The following SLIT2 variants were observed in gnomAD, a reference collection of about 807,000 sequenced individuals.
SLIT2 encodes slit guidance ligand 2.
A neutral mutation model predicts 185.7 loss-of-function variants in SLIT2; 41 were observed. The observed-to-expected ratio is 0.22, with a 90% CI of 0.17 to 0.29. SLIT2 has a LOEUF of 0.29. Among genes scored for constraint, SLIT2 ranks in the 10% least tolerant of loss-of-function variants. The pLI is 1.00. For missense variants in SLIT2, 1,571 were observed against 1,909.0 expected (o/e 0.82, Z 3.30); for synonymous variants, 693 against 680.2 (o/e 1.02, Z -0.29).
rs533818617 is a variant in SLIT2, at chr4:20,287,061, A to T, written c.395+18180A>T. On this transcript the variant is annotated intron_variant, in intron 4 of 36. Coordinates refer to ENST00000504154, the MANE Select transcript of SLIT2 (RefSeq NM_004787.4). Reference sequence around the variant, plus strand: ...TAAACTTACCCAGCTGCTGTTGTCTAAACTCCTACACTGGCCTTCAAGTTG... The same window carrying T: ...TAAACTTACCCAGCTGCTGTTGTCTTAACTCCTACACTGGCCTTCAAGTTG... 2.0e-5 allele frequency among the ~76,000 whole-genome samples: 3 copies of T among 152,294 alleles called. No individual in the cohort carries two copies. The East Asian group carries it at 5.8e-4, about 29-fold the overall frequency.
intron 4 of SLIT2, among the ~76,000 whole-genome samples, chr4:20,444,683 A>G (rs1325868179): frequency 6.6e-6 from 1 of 152,230 alleles, no homozygotes; most frequent in African/African-American, 2.4e-5. Flanking sequence ...TGTCATTTTT[A>G]TAACTTTCTT....
At chr4:20,479,673 T>A (rs1387193947) in intron 5 of SLIT2, among the ~76,000 whole-genome samples, 2 of 151,186 alleles carry the variant, frequency 1.3e-5, no homozygotes, top group African/African-American at 4.8e-5. Context: ...AGTACTTCAC[T>A]GTTAATTTCA....
intron 4 of SLIT2, among the ~76,000 whole-genome samples, chr4:20,367,549 T>G (rs1014683964): frequency 1.1e-4 from 17 of 152,174 alleles, no homozygotes; most frequent in African/African-American, 3.9e-4. Flanking sequence ...ATCCTAAGCA[T>G]AAGCAAATAA....
intron 34 of SLIT2, among the ~76,000 whole-genome samples, chr4:20,614,173 G>A (rs183527614): frequency 1.3e-3 from 203 of 151,994 alleles, no homozygotes; most frequent in Admixed American, 2.8e-3. Flanking sequence ...GCGCTCGGCC[G>A]ACACAAAATA....
chr4:20,346,654 G>C lies in SLIT2; in HGVS notation c.395+77773G>C, dbSNP rs187593858. 2.6e-5 allele frequency among the ~76,000 whole-genome samples: 4 copies of C among 152,352 alleles called. No homozygotes were observed. The East Asian group carries it at 7.7e-4, about 29-fold the overall frequency. ...AGGCTGTCTGCAAGTCGAGAAGCAA[G>C]GAAGCCAGTGGTGGATCAGTCCAAG... is the stretch of plus-strand genomic sequence containing the variant. On this transcript the variant is annotated intron_variant, in intron 4 of 36. Coordinates refer to ENST00000504154, the MANE Select transcript of SLIT2 (RefSeq NM_004787.4).
intron 4 of SLIT2, among the ~76,000 whole-genome samples, chr4:20,392,996 A>C (rs143320013): frequency 1.2e-4 from 18 of 152,190 alleles, no homozygotes; most frequent in African/African-American, 3.9e-4. Context: ...TAAGTACATA[A>C]TATTAGGTGC....
intron 4 of SLIT2, among the ~76,000 whole-genome samples, chr4:20,421,191 G>A (rs1560409065): frequency 2.6e-5 from 4 of 152,154 alleles, no homozygotes; most frequent in Admixed American, 2.0e-4. Context: ...GGTGAAGGAT[G>A]AGGGATGTCA....
At chr4:20,574,804 A>C (rs1424470335) in intron 29 of SLIT2, among the ~76,000 whole-genome samples, 1 of 151,846 alleles carries the variant, frequency 6.6e-6, no homozygotes, top group Non-Finnish European at 1.5e-5. Context: ...AAAAAAAAAA[A>C]AAACAAAGGT....
chr4:20,310,763 C>T (rs1477972366), intron 4 of SLIT2, among the ~76,000 whole-genome samples: 1 of 152,128 alleles, frequency 6.6e-6, no homozygotes, highest in Non-Finnish European at 1.5e-5. Context: ...AGTAAGTTTC[C>T]ACTCATAAAT....
rs531272386 is a variant in SLIT2, at chr4:20,567,470, T to C, written c.2851-48T>C. ...TTATTATTCTACTGTGCTTTCTGTA[T>C]GTGCCAAGAACTACTTCACTCGACT... is the stretch of plus-strand genomic sequence containing the variant. On this transcript the variant is annotated intron_variant, in intron 27 of 36. Transcript: ENST00000504154. 3 of 1,609,808 alleles carry C rather than the reference T, an allele frequency of 1.9e-6. No homozygotes were observed. In the East Asian group the frequency reaches 6.7e-5, roughly 36 times the overall value.
At chr4:20,466,762 T>A (rs1397616787) in intron 4 of SLIT2, among the ~76,000 whole-genome samples, 2 of 152,150 alleles carry the variant, frequency 1.3e-5, no homozygotes, top group African/African-American at 4.8e-5. Context: ...GCACCTGTGG[T>A]TAGTAGCTTC....
chr4:20,411,124 C>T (rs994890288), intron 4 of SLIT2, among the ~76,000 whole-genome samples: 14 of 151,992 alleles, frequency 9.2e-5, no homozygotes, highest in African/African-American at 3.1e-4. Flanking sequence ...TGAAGAAGTC[C>T]TTCACTTCCC....
At chr4:20,279,838 G>A (rs1004202915) in intron 4 of SLIT2, among the ~76,000 whole-genome samples, 11 of 151,856 alleles carry the variant, frequency 7.2e-5, no homozygotes, top group South Asian at 2.1e-4. Flanking sequence ...TTCTTTAATC[G>A]TAACCTGTGT....
intron 5 of SLIT2, among the ~76,000 whole-genome samples, chr4:20,470,309 G>T (rs1053332482): frequency 7.9e-5 from 12 of 152,078 alleles, no homozygotes; most frequent in African/African-American, 2.9e-4. Context: ...ATTTTGACAT[G>T]AAGTTACAAA....
In SLIT2 at chr4:20,378,600, C is replaced by A. The variant is rs562110509; in HGVS notation, c.396-89152C>A. Reference sequence around the variant, plus strand: ...TGCTAGTATTGTGCCCCATTTGATTCATCCATACATTTATTTCATGAACCA... The same window carrying A: ...TGCTAGTATTGTGCCCCATTTGATTAATCCATACATTTATTTCATGAACCA... On this transcript the variant is annotated intron_variant, in intron 4 of 36. Coordinates refer to ENST00000504154, the MANE Select transcript of SLIT2 (RefSeq NM_004787.4). Among the ~76,000 whole-genome samples the A allele has an allele frequency of 3.9e-5, 6 of 152,152 alleles. No homozygotes were observed. In the South Asian group the frequency reaches 8.3e-4, roughly 21 times the overall value.
intron 4 of SLIT2, among the ~76,000 whole-genome samples, chr4:20,301,734 AT>A (rs1717063306): frequency 6.6e-6 from 1 of 152,198 alleles, no homozygotes; most frequent in Non-Finnish European, 1.5e-5. Context: ...AGATTAAAAA[AT>A]GTTAAAGAGA....
intron 4 of SLIT2, among the ~76,000 whole-genome samples, chr4:20,362,436 A>G (rs1722812703): frequency 6.6e-6 from 1 of 152,096 alleles, no homozygotes; most frequent in South Asian, 2.1e-4. Flanking sequence ...AAGCAAAGGG[A>G]CAGCTTGTTT....
chr4:20,378,161 T>G (rs373362572), intron 4 of SLIT2, among the ~76,000 whole-genome samples: 1 of 152,140 alleles, frequency 6.6e-6, no homozygotes, highest in East Asian at 1.9e-4. Context: ...GACTGTACAA[T>G]TTTCCCAGAA....
chr4:20,417,597 C>G (rs1397455021), intron 4 of SLIT2, among the ~76,000 whole-genome samples: 2 of 151,718 alleles, frequency 1.3e-5, no homozygotes, highest in Non-Finnish European at 2.9e-5. Flanking sequence ...TCTCAGCTCA[C>G]TGTAGCCTCT....
Sources: allele counts gnomAD v4.1 joint callset (sites outside exome capture counted in the v4.1 genomes callset), GRCh38; gene constraint gnomAD v4.1.1; transcripts MANE v1.5; gene names NCBI Gene and HGNC (gene_info 2026-07-23, HGNC 2026-07-21).